ACTR3C: variants seen among roughly 807,000 people sequenced by gnomAD.
ACTR3C encodes the protein actin-related protein 3C.
ACTR3C carries 18 observed loss-of-function variants against 26.3 expected under a neutral mutation model. The observed-to-expected ratio is 0.68, with a 90% CI of 0.47 to 1.01. The LOEUF is 1.01. ACTR3C is among the 50% of genes least tolerant of loss of function. The pLI is 0.00. For missense variants in ACTR3C, 184 were observed against 250.7 expected (o/e 0.73, Z 1.80); for synonymous variants, 55 against 94.5 (o/e 0.58, Z 2.42).
chr7:149,896,932 G>C, the ACTR3C span, among the ~76,000 whole-genome samples: 1 of 151,828 alleles, frequency 6.6e-6, no homozygotes, highest in Non-Finnish European at 1.5e-5. Context: ...ATGGGGGCAG[G>C]CACCTATAAT....
the ACTR3C span, among the ~76,000 whole-genome samples, chr7:150,049,181 C>T: frequency 1.1e-4 from 16 of 151,840 alleles, no homozygotes; most frequent in African/African-American, 1.9e-4. Flanking sequence ...TCCGCTCCTC[C>T]GCTCCAGGCC....
chr7:149,973,235 C>A, the ACTR3C span, among the ~76,000 whole-genome samples: 1 of 152,222 alleles, frequency 6.6e-6, no homozygotes, highest in Non-Finnish European at 1.5e-5. Context: ...GGTGAAGGAG[C>A]ACACGGGTCA....
At chr7:149,923,390 A>T in the ACTR3C span, among the ~76,000 whole-genome samples, 9 of 152,318 alleles carry the variant, frequency 5.9e-5, no homozygotes, top group East Asian at 1.7e-3. Context: ...CAATTCAGAA[A>T]GAATAATAAA....
chr7:149,891,335 A>G, the ACTR3C span: 2,271 of 839,276 alleles, frequency 2.7e-3, 57 homozygotes, highest in African/African-American at 0.032. Flanking sequence ...GTCAAGCCTC[A>G]GTTCGCAACA....
At chr7:149,907,735 G>A in the ACTR3C span, among the ~76,000 whole-genome samples, 1 of 151,476 alleles carries the variant, frequency 6.6e-6, no homozygotes, top group Non-Finnish European at 1.5e-5. Flanking sequence ...GCTACCAACA[G>A]CTTTAAATGG....
chr7:150,291,888 G>A (rs6954041), intron 3 of ACTR3C, among the ~76,000 whole-genome samples: 26,520 of 150,074 alleles, frequency 0.18, 3,169 homozygotes, highest in African/African-American at 0.33. Flanking sequence ...ACTTCACAGG[G>A]CAGGGCAGCC....
chr7:150,069,214 C>A, the ACTR3C span, among the ~76,000 whole-genome samples: 7 of 152,258 alleles, frequency 4.6e-5, no homozygotes, highest in South Asian at 1.4e-3. Context: ...ATTTTGCCTA[C>A]AGACATGCTG....
intron 5 of ACTR3C, among the ~76,000 whole-genome samples, chr7:150,286,109 A>T (rs1835746887): frequency 6.6e-6 from 1 of 152,120 alleles, no homozygotes; most frequent in African/African-American, 2.4e-5. Context: ...TTTTAATTCT[A>T]TTATCATCTA....
chr7:150,053,822 C>G, the ACTR3C span, among the ~76,000 whole-genome samples: 1 of 152,168 alleles, frequency 6.6e-6, no homozygotes, highest in African/African-American at 2.4e-5. Flanking sequence ...ACTGCAGTTA[C>G]AAATAAAGGA....
chr7:149,976,401 C>T, the ACTR3C span, among the ~76,000 whole-genome samples: 3 of 151,878 alleles, frequency 2.0e-5, no homozygotes, highest in South Asian at 2.1e-4. Flanking sequence ...GGTGAAACCC[C>T]GTCTCTACTA....
chr7:150,197,481 T>C, the ACTR3C span, among the ~76,000 whole-genome samples: 29 of 152,362 alleles, frequency 1.9e-4, no homozygotes, highest in Admixed American at 1.4e-3. Flanking sequence ...TTCTCTCTAG[T>C]GGATTTTAAA....
chr7:150,113,172 C>T, the ACTR3C span, among the ~76,000 whole-genome samples: 3 of 151,796 alleles, frequency 2.0e-5, no homozygotes, highest in Non-Finnish European at 4.4e-5. Context: ...TGCCACTCTA[C>T]CTCACGCTGC....
At chr7:150,042,970 T>G in the ACTR3C span, among the ~76,000 whole-genome samples, 4 of 150,882 alleles carry the variant, frequency 2.7e-5, no homozygotes, top group African/African-American at 7.4e-5. Flanking sequence ...CATTTCAAAG[T>G]TTCCGGGTCC....
At chr7:150,220,179 G>T in the ACTR3C span, among the ~76,000 whole-genome samples, 5 of 148,360 alleles carry the variant, frequency 3.4e-5, no homozygotes, top group Non-Finnish European at 7.4e-5. Flanking sequence ...CCACTCGCCC[G>T]CCAACTGTAG....
At chr7:149,987,834 T>G in the ACTR3C span, among the ~76,000 whole-genome samples, 2 of 152,046 alleles carry the variant, frequency 1.3e-5, no homozygotes, top group African/African-American at 2.4e-5. Context: ...TTAAGAAGAA[T>G]CTGTTCAACA....
chr7:149,919,104 T>C, the ACTR3C span, among the ~76,000 whole-genome samples: 3 of 152,306 alleles, frequency 2.0e-5, no homozygotes, highest in African/African-American at 7.2e-5. Context: ...CGGAGTACAA[T>C]GATAAAATCA....
the ACTR3C span, among the ~76,000 whole-genome samples, chr7:150,165,271 A>G: frequency 3.9e-5 from 6 of 152,088 alleles, no homozygotes; most frequent in African/African-American, 1.2e-4. Context: ...AGACATGAGG[A>G]GATCAATATT....
chr7:150,230,380 A>G, the ACTR3C span, among the ~76,000 whole-genome samples: 1 of 152,184 alleles, frequency 6.6e-6, no homozygotes, highest in Non-Finnish European at 1.5e-5. Context: ...AAGTTGGTCT[A>G]TTTCACGGAA....
the ACTR3C span, among the ~76,000 whole-genome samples, chr7:149,969,664 A>G: frequency 2.0e-5 from 3 of 152,196 alleles, no homozygotes; most frequent in African/African-American, 7.2e-5. Flanking sequence ...TATTTTCTTA[A>G]AATGTCTACA....
Sources: gnomAD v4.1 joint callset for allele counts (sites outside exome capture counted in the v4.1 genomes callset) on GRCh38, gnomAD v4.1.1 for gene constraint, MANE v1.5 for transcripts, NCBI Gene and HGNC (gene_info 2026-07-23, HGNC 2026-07-21) for gene names.